The following CHODL variants were observed in gnomAD, a reference collection of about 807,000 sequenced individuals.
CHODL encodes the protein chondrolectin, also known as transmembrane protein MT75.
In CHODL, 29 loss-of-function variants were observed where a neutral mutation model predicts 34.5. The ratio of observed to expected loss-of-function variants is 0.84; its 90% confidence interval spans 0.63 to 1.15. The LOEUF is 1.15. Among genes scored for constraint, CHODL ranks in the 50% most tolerant of loss-of-function variants. The probability of loss-of-function intolerance (pLI) is 0.00; values close to 1 mark genes in which losing one functional copy is unlikely to be tolerated. For missense variants in CHODL, 332 were observed against 332.5 expected, an observed-to-expected ratio of 1.00 and a Z score of 0.01; for synonymous variants, 125 against 116.1, an observed-to-expected ratio of 1.08 and a Z score of -0.49.
chr21:18,149,806 C>T (rs1394057242), intron 2 of CHODL, among the ~76,000 whole-genome samples: 6 of 152,168 alleles, frequency 3.9e-5, no homozygotes, highest in Admixed American at 2.0e-4. Flanking sequence ...GTTCAGGCTA[C>T]TATAGCAAAC....
chr21:17,949,123 A>T (rs1474209184), intron 1 of CHODL, among the ~76,000 whole-genome samples: 1 of 152,070 alleles, frequency 6.6e-6, no homozygotes, highest in Non-Finnish European at 1.5e-5. Flanking sequence ...TACAATATTG[A>T]CCTGCTAGCT....
intron 2 of CHODL, among the ~76,000 whole-genome samples, chr21:18,080,246 A>G (rs527446995): frequency 1.3e-5 from 2 of 152,186 alleles, no homozygotes; most frequent in African/African-American, 4.8e-5. Flanking sequence ...CCTTTGTTGG[A>G]CGCATAGTTT....
rs1408389029 is a variant in CHODL, at chr21:18,003,561, AATT to A, written c.-144-24307_-144-24305del. 3.4e-4 allele frequency among the ~76,000 whole-genome samples: 51 copies of A among 152,134 alleles called. 1 individual carries two copies. The highest frequency in any genetic ancestry group is 1.2e-4 in the Non-Finnish European group (8 of 68,014). On this transcript the variant is annotated intron_variant, in intron 1 of 6. Transcript: ENST00000400127. Reference sequence around the variant, plus strand: ...TTTAACAGTATATTGAAGGGATGTTAATTATTCTATAAATAACTCAAAATGCAG... The same window carrying A: ...TTTAACAGTATATTGAAGGGATGTTAATTCTATAAATAACTCAAAATGCAG...
At chr21:18,040,826 T>C (rs1296809383) in intron 2 of CHODL, among the ~76,000 whole-genome samples, 3 of 151,854 alleles carry the variant, frequency 2.0e-5, no homozygotes, top group Admixed American at 6.6e-5. Flanking sequence ...AATCAGATGA[T>C]ATACTTTAAT....
chr21:17,995,477 C>T (rs1195144351), intron 1 of CHODL, among the ~76,000 whole-genome samples: 2 of 152,182 alleles, frequency 1.3e-5, no homozygotes, highest in Non-Finnish European at 2.9e-5. Flanking sequence ...TCAAGCACTC[C>T]CTGTCACTTC....
intron 2 of CHODL, among the ~76,000 whole-genome samples, chr21:18,104,694 G>T (rs1259002802): frequency 3.9e-5 from 6 of 152,186 alleles, no homozygotes; most frequent in African/African-American, 1.2e-4. Flanking sequence ...GCTTTTAAAT[G>T]TGATAATAGG....
chr21:18,105,878 G>A (rs1468737542), intron 2 of CHODL, among the ~76,000 whole-genome samples: 1 of 152,136 alleles, frequency 6.6e-6, no homozygotes, highest in Non-Finnish European at 1.5e-5. Flanking sequence ...AATAATCCTG[G>A]AAAATCACTT....
At chr21:18,106,318 C>T (rs1197788137) in intron 2 of CHODL, among the ~76,000 whole-genome samples, 1 of 152,108 alleles carries the variant, frequency 6.6e-6, no homozygotes, top group Non-Finnish European at 1.5e-5. Flanking sequence ...AGGATGGAAC[C>T]TGTGAAAACC....
chr21:18,245,831 C>A, intron 1 of CHODL: 1 of 1,269,572 alleles, frequency 7.9e-7, no homozygotes, highest in Non-Finnish European at 1.1e-6. Context: ...GGACTACTGG[C>A]AAGGAACTGA....
chr21:18,044,955 C>T (rs560864388), intron 2 of CHODL, among the ~76,000 whole-genome samples: 4 of 151,870 alleles, frequency 2.6e-5, no homozygotes, highest in Non-Finnish European at 5.9e-5. Context: ...GGGTCTATGT[C>T]GTTATGCAGA....
Position 18,262,867 on chromosome 21 carries a change from C to A in CHODL, c.711C>A (p.Thr237=). The A allele has an allele frequency of 6.2e-7, 1 of 1,607,276 alleles. No individual in the cohort carries two copies. The highest frequency in any genetic ancestry group is 8.5e-7 in the Non-Finnish European group (1 of 1,174,384). Residue 237 remains threonine (T), a synonymous_variant, in exon 5 of 6, where the codon ACC becomes ACA. Transcript: ENST00000299295. Reference sequence around the variant, plus strand: ...TACTGATACTGGTTGCTTTTGGAACCTGTTGTTTCCAGATGCTGCATAAAA... The same window carrying A: ...TACTGATACTGGTTGCTTTTGGAACATGTTGTTTCCAGATGCTGCATAAAA... ...LLLLILVAFG[T]CCFQMLHKSK...
rs2074458805 is a variant in CHODL, at chr21:18,266,127, A to G, written c.*89A>G. 1.9e-6 allele frequency: 3 copies of G among 1,607,576 alleles called. No individual in the cohort carries two copies. Among genetic ancestry groups the G allele is most frequent in the East Asian group, 2.2e-5 (1 of 44,696 alleles). ...CAATAGCTTGGAATGGCTTGAAATCACAAAGGATCTGCAAGATGAACTGTA... is the reference window on the plus strand; with the variant it reads ...CAATAGCTTGGAATGGCTTGAAATCGCAAAGGATCTGCAAGATGAACTGTA... On this transcript the variant is annotated 3_prime_UTR_variant, in exon 6 of 6. Coordinates refer to ENST00000299295, the MANE Select transcript of CHODL (RefSeq NM_024944.3).
At chr21:18,247,501 C>A (rs747526071) in intron 1 of CHODL, among the ~76,000 whole-genome samples, 4 of 151,974 alleles carry the variant, frequency 2.6e-5, no homozygotes, top group Non-Finnish European at 5.9e-5. Flanking sequence ...AAATACATCA[C>A]CTTTTCTAAA....
intron 2 of CHODL, among the ~76,000 whole-genome samples, chr21:18,038,137 G>A (rs1422995473): frequency 1.3e-5 from 2 of 151,068 alleles, no homozygotes; most frequent in Non-Finnish European, 3.0e-5. Flanking sequence ...GAAAAGACTA[G>A]CCTCAGACTT....
intron 1 of CHODL, among the ~76,000 whole-genome samples, chr21:17,961,651 G>T (rs2063533051): frequency 6.6e-6 from 1 of 152,216 alleles, no homozygotes; most frequent in Non-Finnish European, 1.5e-5. Context: ...AATGGTGATT[G>T]TTAATCCTTA....
chr21:18,177,734 T>C (rs925914150), intron 2 of CHODL, among the ~76,000 whole-genome samples: 7 of 152,184 alleles, frequency 4.6e-5, no homozygotes, highest in Admixed American at 4.6e-4. Flanking sequence ...ATTTACTTAA[T>C]GTTATATTAT....
intron 2 of CHODL, among the ~76,000 whole-genome samples, chr21:18,206,313 C>T (rs1346001545): frequency 6.6e-6 from 1 of 152,164 alleles, no homozygotes; most frequent in Non-Finnish European, 1.5e-5. Flanking sequence ...TATCAGAATA[C>T]TGCAGTAGTA....
chr21:18,174,226 G>A (rs983256820), intron 2 of CHODL, among the ~76,000 whole-genome samples: 1 of 141,384 alleles, frequency 7.1e-6, no homozygotes, highest in Non-Finnish European at 1.6e-5. Flanking sequence ...AGGAAATCCT[G>A]TGTTCAAAAA....
chr21:18,087,380 A>C lies in CHODL; in HGVS notation c.-45+59409A>C, dbSNP rs79347068. Among the ~76,000 whole-genome samples, 635 of 152,224 alleles carry C rather than the reference A, an allele frequency of 4.2e-3. 4 individuals are homozygous for C. Among genetic ancestry groups the C allele is most frequent in the African/African-American group, 0.013 (543 of 41,550 alleles). ...TCACCCTGAACTCAGTCTGAGGGTG[A>C]GGTGCAGCCCAGTGTTAAACTCTGA... On this transcript the variant is annotated intron_variant, in intron 2 of 6. Transcript: ENST00000400127.
Sources: gnomAD v4.1 joint callset for allele counts (sites outside exome capture counted in the v4.1 genomes callset) on GRCh38, gnomAD v4.1.1 for gene constraint, MANE v1.5 for transcripts, NCBI Gene and HGNC (gene_info 2026-07-23, HGNC 2026-07-21) for gene names.